SUMF1: variants seen among roughly 807,000 people sequenced by gnomAD.
SUMF1 encodes the protein formylglycine-generating enzyme.
A neutral mutation model predicts 47.6 loss-of-function variants in SUMF1; 48 were observed. That is an observed-to-expected ratio of 1.01 (90% CI 0.80 to 1.28). The LOEUF is 1.28. Among genes scored for constraint, SUMF1 ranks in the 50% most tolerant of loss-of-function variants. The pLI is 0.00. For synonymous variants in SUMF1, 230 were observed against 192.1 expected, an observed-to-expected ratio of 1.20 and a Z score of -1.63; for missense variants, 571 against 485.4, an observed-to-expected ratio of 1.18 and a Z score of -1.66.
chr3:4,102,401 C>T (rs189867465), intron 8 of SUMF1, among the ~76,000 whole-genome samples: 19 of 152,172 alleles, frequency 1.2e-4, no homozygotes, highest in Middle Eastern at 6.8e-3. Flanking sequence ...CTAGACTAAC[C>T]TTACTGCTGT....
intron 8 of SUMF1, among the ~76,000 whole-genome samples, chr3:4,204,400 G>C (rs1294936447): frequency 6.6e-6 from 1 of 151,988 alleles, no homozygotes. Context: ...GCTGCTTTTA[G>C]GATCCATTCT....
intron 8 of SUMF1, among the ~76,000 whole-genome samples, chr3:4,369,413 G>A (rs893211643): frequency 2.0e-5 from 3 of 152,172 alleles, no homozygotes; most frequent in African/African-American, 7.2e-5. Flanking sequence ...CTCATTCCAT[G>A]CAGGGCCTAC....
At chr3:4,074,239 A>G (rs1351140079) in intron 8 of SUMF1, among the ~76,000 whole-genome samples, 1 of 152,150 alleles carries the variant, frequency 6.6e-6, no homozygotes, top group Non-Finnish European at 1.5e-5. Context: ...CTCAATGACT[A>G]CTGGATAAAT....
intron 8 of SUMF1, among the ~76,000 whole-genome samples, chr3:4,369,555 G>A (rs1264718417): frequency 1.3e-5 from 2 of 152,204 alleles, no homozygotes; most frequent in African/African-American, 4.8e-5. Flanking sequence ...TTCAGGGGGA[G>A]CTACACAGAT....
chr3:4,461,889 T>G (rs190393040), intron 1 of SUMF1, among the ~76,000 whole-genome samples: 144 of 152,198 alleles, frequency 9.5e-4, no homozygotes, highest in Non-Finnish European at 6.0e-4. Flanking sequence ...TCACTGAAGG[T>G]TCAAATTCAA....
intron 1 of SUMF1, among the ~76,000 whole-genome samples, chr3:4,455,771 G>A (rs1051348748): frequency 2.6e-5 from 4 of 151,964 alleles, no homozygotes; most frequent in African/African-American, 9.7e-5. Flanking sequence ...AGAACCAGAT[G>A]GCTTCATGGC....
At chr3:4,269,831 A>G (rs1192708737) in intron 8 of SUMF1, among the ~76,000 whole-genome samples, 1 of 152,068 alleles carries the variant, frequency 6.6e-6, no homozygotes, top group Non-Finnish European at 1.5e-5. Flanking sequence ...TTAAATTCTC[A>G]TCCTTCTCTG....
At chr3:4,230,418 G>A (rs1424180381) in intron 8 of SUMF1, among the ~76,000 whole-genome samples, 1 of 152,030 alleles carries the variant, frequency 6.6e-6, no homozygotes, top group African/African-American at 2.4e-5. Context: ...TTGATAATTT[G>A]GTAAAATGGC....
At chr3:4,199,678 A>C (rs1293748569) in intron 8 of SUMF1, among the ~76,000 whole-genome samples, 1 of 152,176 alleles carries the variant, frequency 6.6e-6, no homozygotes, top group Non-Finnish European at 1.5e-5. Context: ...ATAAGTGTGT[A>C]GTAATATCTC....
In SUMF1 at chr3:4,272,790, T is replaced by C. The variant is rs116407601; in HGVS notation, c.1014+103540A>G. Among the ~76,000 whole-genome samples, 1,035 of 152,246 alleles carry C rather than the reference T, an allele frequency of 6.8e-3. 10 individuals are homozygous for C. The highest frequency in any genetic ancestry group is 0.024 in the African/African-American group (979 of 41,574). ...TTCTTTAAAAATTAAATTTACCATA[T>C]GGGCCAAGTACTGTGGCTCATACTT... On this transcript the variant is annotated intron_variant and NMD_transcript_variant, in intron 8 of 12. Coordinates refer to the SUMF1 transcript ENST00000448413.
intron 9 of SUMF1, among the ~76,000 whole-genome samples, chr3:4,049,581 A>G (rs1243962840): frequency 2.6e-5 from 4 of 152,084 alleles, no homozygotes; most frequent in Non-Finnish European, 5.9e-5. Context: ...GCATGCAGAC[A>G]GGTAGGTTCA....
chr3:4,415,130 G>A (rs910636135), intron 6 of SUMF1, among the ~76,000 whole-genome samples: 1 of 151,286 alleles, frequency 6.6e-6, no homozygotes, highest in Non-Finnish European at 1.5e-5. Context: ...AGGAGGCTGA[G>A]GCAGGAGAAT....
At chr3:4,412,113 C>T (rs951375733) in intron 6 of SUMF1, among the ~76,000 whole-genome samples, 3 of 152,158 alleles carry the variant, frequency 2.0e-5, no homozygotes, top group African/African-American at 4.8e-5. Flanking sequence ...CACACTGCTT[C>T]CAAAATCAGC....
intron 8 of SUMF1, among the ~76,000 whole-genome samples, chr3:4,273,687 G>GGGAGGGAGGATACGGGAGGGAGGATACA (rs1697348939): frequency 8.6e-6 from 1 of 115,824 alleles, no homozygotes; most frequent in East Asian, 2.5e-4. Flanking sequence ...AAAGAAGGAA[G>GGGAGGGAGGATACGGGAGGGAGGATACA]GGAGGGAGGA....
chr3:4,073,091 T>C (rs540095556), intron 8 of SUMF1, among the ~76,000 whole-genome samples: 11 of 152,290 alleles, frequency 7.2e-5, no homozygotes, highest in South Asian at 6.2e-4. Flanking sequence ...GAGAGAAACG[T>C]TGGGTTACCC....
intron 8 of SUMF1, among the ~76,000 whole-genome samples, chr3:4,192,745 A>G (rs71313813): frequency 1.5e-4 from 23 of 152,140 alleles, no homozygotes; most frequent in Non-Finnish European, 2.8e-4. Context: ...AGTTAGGCCA[A>G]CCTCCAGGAA....
At chr3:4,307,394 A>G (rs2125080829) in intron 8 of SUMF1, among the ~76,000 whole-genome samples, 1 of 152,100 alleles carries the variant, frequency 6.6e-6, no homozygotes, top group Middle Eastern at 3.4e-3. Flanking sequence ...CTTTTCCCTG[A>G]GACACGTATC....
intron 9 of SUMF1, among the ~76,000 whole-genome samples, chr3:4,043,895 T>C (rs1482294764): frequency 1.3e-5 from 2 of 152,182 alleles, no homozygotes; most frequent in Non-Finnish European, 1.5e-5. Flanking sequence ...CTCGAGGTTA[T>C]ACCAACTATT....
intron 7 of SUMF1, among the ~76,000 whole-genome samples, chr3:4,392,253 T>C (rs1700892265): frequency 6.6e-6 from 1 of 152,176 alleles, no homozygotes; most frequent in Admixed American, 6.5e-5. Context: ...ATTCTAGAAA[T>C]TCTACTTGGT....
Sources: allele counts gnomAD v4.1 joint callset (sites outside exome capture counted in the v4.1 genomes callset), GRCh38; gene constraint gnomAD v4.1.1; transcripts MANE v1.5; gene names NCBI Gene and HGNC (gene_info 2026-07-23, HGNC 2026-07-21).